DCC: variants seen among roughly 807,000 people sequenced by gnomAD.
DCC encodes netrin receptor DCC.
In DCC, 58 loss-of-function variants were observed where a neutral mutation model predicts 172.5. The observed-to-expected ratio is 0.34, with a 90% CI of 0.27 to 0.42. The LOEUF is 0.42. Among genes scored for constraint, DCC ranks in the 10% least tolerant of loss-of-function variants. The probability of loss-of-function intolerance (pLI) is 1.00; values close to 1 mark genes in which losing one functional copy is unlikely to be tolerated. For synonymous variants in DCC, 709 were observed against 644.5 expected (o/e 1.10, Z -1.52); for missense variants, 1,740 against 1,791.0 (o/e 0.97, Z 0.51).
At chr18:52,532,137 G>A (rs1598892509) in intron 1 of DCC, among the ~76,000 whole-genome samples, 1 of 152,098 alleles carries the variant, frequency 6.6e-6, no homozygotes, top group East Asian at 1.9e-4. Flanking sequence ...ATTAAGGACT[G>A]TGTACAGAAC....
At chr18:53,023,412 A>C (rs369868532) in intron 5 of DCC, among the ~76,000 whole-genome samples, 56,773 of 121,016 alleles carry the variant, frequency 0.47, 14,495 homozygotes, top group Middle Eastern at 0.55. Context: ...AAAAAAAAAA[A>C]AAAAAAAAAA....
At position 52,498,999 on chromosome 18, in the gene DCC, C is replaced by T. The variant is rs1316668718; in HGVS notation, c.91+158121C>T. On this transcript the variant is annotated intron_variant, in intron 1 of 28. Transcript: ENST00000442544. ...GTCCATAGCAGTGCCCACATCTTCTCTCTGACATCTTCTCTGACCGTACCA... is the reference window on the plus strand; with the variant it reads ...GTCCATAGCAGTGCCCACATCTTCTTTCTGACATCTTCTCTGACCGTACCA... Among the ~76,000 whole-genome samples, 4 of 152,198 alleles carry T rather than the reference C, an allele frequency of 2.6e-5. No homozygotes were observed. The East Asian group carries it at 7.7e-4, about 29-fold the overall frequency.
chr18:52,812,971 G>GA (rs1395117839), intron 2 of DCC, among the ~76,000 whole-genome samples: 4 of 152,196 alleles, frequency 2.6e-5, no homozygotes, highest in Non-Finnish European at 5.9e-5. Context: ...GTAGAGTGGG[G>GA]AGGGTATTCA....
chr18:53,502,707 T>C (rs748986959), intron 27 of DCC, among the ~76,000 whole-genome samples: 1 of 152,110 alleles, frequency 6.6e-6, no homozygotes, highest in Non-Finnish European at 1.5e-5. Flanking sequence ...TTACCGCAAG[T>C]AATTACTTTA....
chr18:53,402,838 T>A lies in DCC; in HGVS notation c.2880T>A (p.Pro960=). 1 of 1,614,138 alleles carries A rather than the reference T, an allele frequency of 6.2e-7. No homozygotes were observed. Among genetic ancestry groups the A allele is most frequent in the Non-Finnish European group, 8.5e-7 (1 of 1,179,998 alleles). The change falls in exon 19 of 29, where the codon CCT becomes CCA. Residue 960 remains proline (P), a synonymous_variant. Transcript: ENST00000442544. ...CAGTCATTACTAGGGAAGGGAAGCC[T>A]CGTGCCGTCATTGTGAGTTGGCAGC... ...DLTVITREGK[P]RAVIVSWQPP...
chr18:52,945,344 A>C (rs572855209), intron 5 of DCC, among the ~76,000 whole-genome samples: 3 of 152,298 alleles, frequency 2.0e-5, no homozygotes, highest in South Asian at 4.1e-4. Flanking sequence ...CACAAATTTA[A>C]TAGTGAAAAT....
intron 25 of DCC, among the ~76,000 whole-genome samples, chr18:53,483,801 C>T (rs986785354): frequency 5.3e-5 from 8 of 151,724 alleles, no homozygotes; most frequent in Admixed American, 1.3e-4. Flanking sequence ...TGGCATATAG[C>T]GTAAAATTTT....
intron 15 of DCC, among the ~76,000 whole-genome samples, chr18:53,345,642 T>C (rs2057714830): frequency 6.6e-6 from 1 of 152,212 alleles, no homozygotes; most frequent in African/African-American, 2.4e-5. Flanking sequence ...TTACCATTTC[T>C]TTGTAGTTCA....
At chr18:52,633,614 A>G (rs144202592) in intron 1 of DCC, among the ~76,000 whole-genome samples, 3 of 152,348 alleles carry the variant, frequency 2.0e-5, no homozygotes, top group Admixed American at 1.3e-4. Context: ...AAAAAATCAA[A>G]TGAACCTCAA....
intron 7 of DCC, among the ~76,000 whole-genome samples, chr18:53,150,402 A>G (rs1355828470): frequency 6.6e-6 from 1 of 152,238 alleles, no homozygotes; most frequent in Admixed American, 6.5e-5. Context: ...TGGACCCTGC[A>G]ATAATTTAAT....
At chr18:52,394,989 G>A (rs1263324041) in intron 1 of DCC, among the ~76,000 whole-genome samples, 1 of 152,016 alleles carries the variant, frequency 6.6e-6, no homozygotes, top group Non-Finnish European at 1.5e-5. Flanking sequence ...ACAGCCTGCG[G>A]GTAAGTCATC....
chr18:52,961,055 G>A (rs1048126983), intron 5 of DCC, among the ~76,000 whole-genome samples: 1 of 152,000 alleles, frequency 6.6e-6, no homozygotes, highest in Non-Finnish European at 1.5e-5. Context: ...AAAACTCTAT[G>A]ATACAGCATT....
At chr18:52,356,838 A>G (rs1984388679) in intron 1 of DCC, among the ~76,000 whole-genome samples, 1 of 151,876 alleles carries the variant, frequency 6.6e-6, no homozygotes, top group Admixed American at 6.6e-5. Context: ...GCTGGAGTGC[A>G]GTGATGTGAT....
At chr18:53,277,830 A>G (rs2056823321) in intron 12 of DCC, among the ~76,000 whole-genome samples, 1 of 152,144 alleles carries the variant, frequency 6.6e-6, no homozygotes, top group Non-Finnish European at 1.5e-5. Context: ...TTGTAAAATC[A>G]CCAACTATGA....
intron 1 of DCC, among the ~76,000 whole-genome samples, chr18:52,699,281 G>A (rs1272773019): frequency 6.6e-6 from 1 of 152,124 alleles, no homozygotes; most frequent in Non-Finnish European, 1.5e-5. Context: ...ATCCCCCTGA[G>A]ACCCTGCTCC....
chr18:52,613,138 A>C (rs749099196), intron 1 of DCC, among the ~76,000 whole-genome samples: 9 of 152,138 alleles, frequency 5.9e-5, no homozygotes, highest in Non-Finnish European at 1.2e-4. Flanking sequence ...CATTTGCATG[A>C]TTTTTATTAT....
At chr18:53,033,580 T>C (rs2042053420) in intron 5 of DCC, among the ~76,000 whole-genome samples, 1 of 152,168 alleles carries the variant, frequency 6.6e-6, no homozygotes, top group Admixed American at 6.6e-5. Context: ...CAATGCACAC[T>C]GGTTCCCATT....
At chr18:52,415,797 A>G (rs1375121439) in intron 1 of DCC, among the ~76,000 whole-genome samples, 2 of 152,042 alleles carry the variant, frequency 1.3e-5, no homozygotes, top group Admixed American at 6.6e-5. Context: ...GTGGTCTATC[A>G]ATTTTGTTGA....
At chr18:52,417,992 G>C (rs115977687) in intron 1 of DCC, among the ~76,000 whole-genome samples, 2 of 152,066 alleles carry the variant, frequency 1.3e-5, no homozygotes, top group African/African-American at 4.8e-5. Context: ...TTAATTCTTC[G>C]CTTTCAAATT....
Sources: gnomAD v4.1 joint callset for allele counts (sites outside exome capture counted in the v4.1 genomes callset) on GRCh38, gnomAD v4.1.1 for gene constraint, MANE v1.5 for transcripts, NCBI Gene and HGNC (gene_info 2026-07-23, HGNC 2026-07-21) for gene names.